MFN2: variants seen among roughly 807,000 people sequenced by gnomAD.
MFN2 encodes mitofusin 2.
Under a neutral mutation model 87.5 loss-of-function variants are expected in MFN2, and 43 were observed. That is an observed-to-expected ratio of 0.49 (90% CI 0.38 to 0.63). The LOEUF (loss-of-function observed/expected upper bound fraction) is 0.63, where lower values mean the gene tolerates loss of function less well. Among genes scored for constraint, MFN2 ranks in the 30% least tolerant of loss-of-function variants. The probability of loss-of-function intolerance (pLI) is 0.00; values close to 1 mark genes in which losing one functional copy is unlikely to be tolerated. For synonymous variants in MFN2, 337 were observed against 359.9 expected (o/e 0.94, Z 0.72); for missense variants, 743 against 972.8 (o/e 0.76, Z 3.14).
At chr1:12,000,136 TAATATGGC>T (rs1639109004) in intron 8 of MFN2, among the ~76,000 whole-genome samples, 1 of 152,118 alleles carries the variant, frequency 6.6e-6, no homozygotes, top group East Asian at 1.9e-4. Flanking sequence ...ATAAGATTGA[TAATATGGC>T]AATATGGGAT....
At chr1:12,006,999 G>A in intron 16 of MFN2, 54 bp from the exon 17 acceptor site, 1 of 1,602,140 alleles carries the variant, frequency 6.2e-7, no homozygotes, top group Non-Finnish European at 8.5e-7. Context: ...ATGGGCCCCA[G>A]AGGAGGGTGG....
rs975073098 is a variant in MFN2, at chr1:11,997,308, G to C, written c.486G>C (p.Gln162His). ...TCCTCTGCCATCAGACTGTGAACCA[G>C]CTGGCCCATGCCCTCCACCAGGACA... ...EEKRSAKTVN[Q>H]LAHALHQDKQ... The change falls in exon 6 of 19, where the codon CAG becomes CAC. Residue 162 changes from glutamine to histidine, a missense_variant. Coordinates refer to ENST00000235329, the MANE Select transcript of MFN2 (RefSeq NM_014874.4). The C allele has an allele frequency of 3.1e-6, 5 of 1,614,124 alleles. No individual in the cohort carries two copies. Among genetic ancestry groups the C allele is most frequent in the Non-Finnish European group, 4.2e-6 (5 of 1,180,006 alleles).
intron 18 of MFN2, 30 bp downstream of exon 18, chr1:12,009,756 G>T (rs1324952142): frequency 1.9e-6 from 3 of 1,613,830 alleles, no homozygotes; most frequent in Non-Finnish European, 2.5e-6. Context: ...CCAAAGGTTA[G>T]GGCTCCAGGG....
chr1:11,987,953 T>TA (rs1638493868), intron 2 of MFN2, among the ~76,000 whole-genome samples: 1 of 152,172 alleles, frequency 6.6e-6, no homozygotes, highest in Admixed American at 6.5e-5. Flanking sequence ...TGTCTCAAAA[T>TA]AAAAAATAAA....
In MFN2 at chr1:12,011,604, G is replaced by A. The variant is rs766811616; in HGVS notation, c.*39G>A. 2 of 1,609,050 alleles carry A rather than the reference G, an allele frequency of 1.2e-6. No individual in the cohort carries two copies. The highest frequency in any genetic ancestry group is 3.3e-5 in the Admixed American group (2 of 59,984). On this transcript the variant is annotated 3_prime_UTR_variant, in exon 19 of 19. Coordinates refer to ENST00000235329, the MANE Select transcript of MFN2 (RefSeq NM_014874.4). ...CGGAGTCTGCGTGGAGAGGGGCGGT[G>A]CTGCCAGCCCTAAGTGCCATGTGGG...
chr1:11,982,368 C>G (rs1398045628), intron 2 of MFN2, among the ~76,000 whole-genome samples: 1 of 152,172 alleles, frequency 6.6e-6, no homozygotes, highest in Non-Finnish European at 1.5e-5. Context: ...GAGTTAGTCT[C>G]TGTCTCCCTC....
At chr1:11,997,268 G>C (rs1487835665) in intron 5 of MFN2, 29 bp from the exon 6 acceptor site, 1 of 1,613,616 alleles carries the variant, frequency 6.2e-7, no homozygotes, top group Non-Finnish European at 8.5e-7. Flanking sequence ...TTCCTCCTCA[G>C]CCTCTTTCTT....
intron 4 of MFN2, 113 bp from the exon 5 acceptor site, chr1:11,996,043 A>G (rs1638893536): frequency 1.5e-6 from 2 of 1,332,092 alleles, no homozygotes; most frequent in Non-Finnish European, 2.2e-6. Flanking sequence ...CTGTCTGGGC[A>G]CTGGCAACAT....
In MFN2 at chr1:12,003,083, AT is replaced by A. The variant is rs61232786; in HGVS notation, c.1161-899del. On this transcript the variant is annotated intron_variant, in intron 11 of 18. Coordinates refer to ENST00000235329, the MANE Select transcript of MFN2 (RefSeq NM_014874.4). The surrounding 1 kb of genome is among the most constrained non-coding windows in gnomAD (Gnocchi z 4.1). ...CATTTTCCTATGGATGGAATTTTAG[AT>A]TTTTTTTTTGCTATTGGAAACCCTA... is the stretch of plus-strand genomic sequence containing the variant. Among the ~76,000 whole-genome samples the A allele has an allele frequency of 0.063, 9,488 of 149,738 alleles. 356 individuals carry two copies. The highest frequency in any genetic ancestry group is 0.13 in the East Asian group (658 of 5,120).
intron 2 of MFN2, 26 bp from the exon 3 acceptor site, chr1:11,989,139 T>G: frequency 6.2e-7 from 1 of 1,613,148 alleles, no homozygotes; most frequent in Non-Finnish European, 8.5e-7. Context: ...TGTTGCTGGG[T>G]TCGCTCACGT....
intron 3 of MFN2, among the ~76,000 whole-genome samples, chr1:11,991,363 G>A (rs1638666544): frequency 6.6e-6 from 1 of 152,198 alleles, no homozygotes. Flanking sequence ...AAGGGGTCCG[G>A]GGTCCTGACT....
chr1:11,996,943 CAGG>C (rs1295730565), intron 5 of MFN2, among the ~76,000 whole-genome samples: 2 of 150,398 alleles, frequency 1.3e-5, no homozygotes, highest in East Asian at 2.0e-4. Flanking sequence ...GAGGCTGAGG[CAGG>C]AGGACTGCTT....
Position 12,013,499 on chromosome 1 carries a change from T to A in MFN2, c.*1934T>A, listed in dbSNP as rs767158434. The A allele has an allele frequency of 2.6e-6, 1 of 381,010 alleles. No homozygotes were observed. Among genetic ancestry groups the A allele is most frequent in the Non-Finnish European group, 5.4e-6 (1 of 186,548 alleles). 23.6% of individuals were successfully genotyped at this position (381,010 alleles called of 1,614,324 possible). A position where few individuals can be genotyped will look rare whatever the true frequency, so the allele number is the denominator to read the frequency against. ...TATTGGAAACTAAAATAAAACCTAG[T>A]TGGAAATCCTTTGTGAGATCTGTCT... On this transcript the variant is annotated 3_prime_UTR_variant, in exon 19 of 19. Coordinates refer to ENST00000235329, the MANE Select transcript of MFN2 (RefSeq NM_014874.4).
rs1037873112 is a variant in MFN2 at position 12,013,377 on chromosome 1, A to G, written c.*1812A>G. 5 of 471,242 alleles carry G rather than the reference A, an allele frequency of 1.1e-5. No individual in the cohort carries two copies. The highest frequency in any genetic ancestry group is 2.0e-5 in the African/African-American group (1 of 50,068). The allele number at this position is 471,242 out of a possible 1,614,324, so 29.2% of individuals were successfully genotyped here. A position where few individuals can be genotyped will look rare whatever the true frequency, so the allele number is the denominator to read the frequency against. On this transcript the variant is annotated 3_prime_UTR_variant, in exon 19 of 19. Coordinates refer to ENST00000235329, the MANE Select transcript of MFN2 (RefSeq NM_014874.4). Reference sequence around the variant, plus strand: ...TGCTGACATTGTTGTTTTTATGTTCATTTGCTGGAGCGCAAGACGTGCTGA... The same window carrying G: ...TGCTGACATTGTTGTTTTTATGTTCGTTTGCTGGAGCGCAAGACGTGCTGA...
rs536389897 is a variant in MFN2, at chr1:12,003,908, C to T, written c.1161-84C>T. On this transcript the variant is annotated intron_variant, in intron 11 of 18. Transcript: ENST00000235329. The surrounding 1 kb of genome is among the most constrained non-coding windows in gnomAD (Gnocchi z 4.1). ...CTGCCAGGCAAGATAGCGGGCAGGG[C>T]GGCGTGGGATTTCTGGCATCCCCTC... 117 of 1,571,582 alleles carry T rather than the reference C, an allele frequency of 7.4e-5. 1 individual carries two copies. Among genetic ancestry groups the T allele is most frequent in the East Asian group, 5.2e-4 (23 of 44,442 alleles).
chr1:12,001,377 T>C, intron 8 of MFN2, 24 bp from the exon 9 acceptor site: 1 of 1,612,688 alleles, frequency 6.2e-7, no homozygotes, highest in Non-Finnish European at 8.5e-7. Flanking sequence ...ACACTCACTC[T>C]GGACACATTT....
intron 18 of MFN2, among the ~76,000 whole-genome samples, chr1:12,010,618 A>G (rs187329068): frequency 2.2e-4 from 33 of 152,218 alleles, no homozygotes; most frequent in Middle Eastern, 3.4e-3. Flanking sequence ...TGGAGCTTTC[A>G]TTAATAATTT....
intron 9 of MFN2, 37 bp from the exon 10 acceptor site, chr1:12,001,732 A>G (rs1483715492): frequency 6.2e-7 from 1 of 1,612,602 alleles, no homozygotes; most frequent in East Asian, 2.2e-5. Flanking sequence ...CTCTGCTGCC[A>G]AGTTGTTTCT....
Position 12,011,607 on chromosome 1 carries a change from G to C in MFN2, c.*42G>C. 1 of 1,608,024 alleles carries C rather than the reference G, an allele frequency of 6.2e-7. No homozygotes were observed. Among genetic ancestry groups the C allele is most frequent in the Non-Finnish European group, 8.5e-7 (1 of 1,175,766 alleles). On this transcript the variant is annotated 3_prime_UTR_variant, in exon 19 of 19. Coordinates refer to ENST00000235329, the MANE Select transcript of MFN2 (RefSeq NM_014874.4). ...AGTCTGCGTGGAGAGGGGCGGTGCTGCCAGCCCTAAGTGCCATGTGGGCTC... is the reference window on the plus strand; with the variant it reads ...AGTCTGCGTGGAGAGGGGCGGTGCTCCCAGCCCTAAGTGCCATGTGGGCTC...
Sources: allele counts gnomAD v4.1 joint callset (sites outside exome capture counted in the v4.1 genomes callset), GRCh38; gene constraint gnomAD v4.1.1; non-coding constraint Gnocchi (gnomAD v3.1); transcripts MANE v1.5; gene names NCBI Gene and HGNC (gene_info 2026-07-23, HGNC 2026-07-21).